The following KIF18A variants were observed in gnomAD, a reference collection of about 807,000 sequenced individuals.
The protein encoded by KIF18A is kinesin family member 18A.
A neutral mutation model predicts 103.3 loss-of-function variants in KIF18A; 67 were observed. The observed-to-expected ratio is 0.65, with a 90% CI of 0.53 to 0.79. The LOEUF is 0.79. KIF18A is among the 30% of genes least tolerant of loss of function. KIF18A has a pLI of 0.00. For synonymous variants in KIF18A, 367 were observed against 355.5 expected, an observed-to-expected ratio of 1.03 and a Z score of -0.36; for missense variants, 1,032 against 1,062.5, an observed-to-expected ratio of 0.97 and a Z score of 0.40.
At chr11:28,091,216 A>G (rs1174884195) in intron 4 of KIF18A, among the ~76,000 whole-genome samples, 193 bp downstream of exon 4, 1 of 152,178 alleles carries the variant, frequency 6.6e-6, no homozygotes, top group Non-Finnish European at 1.5e-5. Context: ...AAAATTTAAA[A>G]AATGTTTTTA....
intron 15 of KIF18A, among the ~76,000 whole-genome samples, chr11:28,026,909 G>T (rs1481342796): frequency 6.6e-6 from 1 of 151,706 alleles, no homozygotes; most frequent in Admixed American, 6.6e-5. Flanking sequence ...CAGAATAATT[G>T]TACAAATCAA....
At chr11:28,048,324 T>G (rs1850666069) in intron 13 of KIF18A, among the ~76,000 whole-genome samples, 1 of 152,094 alleles carries the variant, frequency 6.6e-6, no homozygotes. Flanking sequence ...GCACAGACAT[T>G]TAATGGGGTG....
intron 5 of KIF18A, 61 bp from the exon 6 acceptor site, chr11:28,088,782 A>T: frequency 1.5e-6 from 2 of 1,292,724 alleles, no homozygotes; most frequent in South Asian, 2.5e-5. Flanking sequence ...TAAAAGGGAA[A>T]TATATACTTT....
intron 6 of KIF18A, among the ~76,000 whole-genome samples, chr11:28,086,633 C>T (rs911043289): frequency 7.9e-5 from 12 of 152,144 alleles, no homozygotes; most frequent in African/African-American, 2.9e-4. Context: ...GCTAGTAGTT[C>T]AAAGAGCCAG....
In KIF18A at chr11:28,036,637, A is replaced by G. The variant is rs113524981; in HGVS notation, c.1976T>C (p.Val659Ala). The G allele has an allele frequency of 9.9e-6, 16 of 1,608,166 alleles. No individual in the cohort carries two copies. The African/African-American group carries it at 2.1e-4, about 22-fold the overall frequency. ...AGTTCTTTTTTCTGTAGGAATCTTA[A>G]CCAGATTAGTTCCACCTGAAGATGA... ...CCSSSGGTNL[V>A]KIPTEKRTRR... is the part of the protein sequence containing the mutation. Residue 659 changes from valine (V) to alanine (A), a missense_variant, in exon 14 of 17, where the codon GTT (valine) becomes GCT (alanine). Val to Ala is a moderately conservative substitution (Grantham distance 64, BLOSUM62 0). Coordinates refer to ENST00000263181, the MANE Select transcript of KIF18A (RefSeq NM_031217.4).
chr11:28,028,231 T>C, intron 15 of KIF18A, among the ~76,000 whole-genome samples: 1 of 152,052 alleles, frequency 6.6e-6, no homozygotes, highest in Non-Finnish European at 1.5e-5. Flanking sequence ...ATACATTCTT[T>C]TCAGCACCAC....
intron 15 of KIF18A, among the ~76,000 whole-genome samples, chr11:28,030,212 C>T (rs1404483559): frequency 4.1e-5 from 6 of 147,526 alleles, no homozygotes; most frequent in South Asian, 2.2e-4. Flanking sequence ...GAAAACAGCC[C>T]GCATTGCCAA....
At chr11:28,048,867 C>G (rs1013631078) in intron 13 of KIF18A, among the ~76,000 whole-genome samples, 1 of 152,022 alleles carries the variant, frequency 6.6e-6, no homozygotes, top group African/African-American at 2.4e-5. Flanking sequence ...AGAAAACAAG[C>G]ATTTGAAATT....
chr11:28,059,701 G>A (rs951971506), intron 12 of KIF18A, among the ~76,000 whole-genome samples: 3 of 151,850 alleles, frequency 2.0e-5, no homozygotes, highest in Non-Finnish European at 4.4e-5. Context: ...CAAAGTGCTG[G>A]GATTACAGGG....
At position 28,100,667 on chromosome 11, in the gene KIF18A, CGGACAGAATTCAAATAA is replaced by C. The variant is rs1358848953; in HGVS notation, c.-46-2691_-46-2675del. 7.2e-5 allele frequency among the ~76,000 whole-genome samples: 11 copies of C among 151,848 alleles called. No individual in the cohort carries two copies. In the South Asian group the frequency reaches 1.9e-3, roughly 26 times the overall value. ...ACAAAACCACTTAGCCATATACTTT[CGGACAGAATTCAAATAA>C]GGACAGAATTCAAAGGAATCTAAAA... On this transcript the variant is annotated intron_variant, in intron 1 of 16. Transcript: ENST00000263181.
intron 6 of KIF18A, among the ~76,000 whole-genome samples, chr11:28,087,971 G>T (rs1479204985): frequency 6.6e-6 from 1 of 151,954 alleles, no homozygotes; most frequent in Non-Finnish European, 1.5e-5. Context: ...TGTGTTCTAG[G>T]TAAGCACTTC....
chr11:28,057,384 G>A (rs756074262), intron 13 of KIF18A, among the ~76,000 whole-genome samples: 2 of 151,992 alleles, frequency 1.3e-5, no homozygotes, highest in African/African-American at 2.4e-5. Flanking sequence ...GCATGATGGC[G>A]GGCACCTGTA....
intron 3 of KIF18A, among the ~76,000 whole-genome samples, chr11:28,092,110 C>G (rs1278658780): frequency 1.3e-5 from 2 of 152,144 alleles, no homozygotes; most frequent in Non-Finnish European, 2.9e-5. Context: ...CCACCGCGCC[C>G]GGCCCATTTT....
chr11:28,039,510 G>T (rs537846300), intron 13 of KIF18A, among the ~76,000 whole-genome samples: 2 of 151,728 alleles, frequency 1.3e-5, no homozygotes, highest in African/African-American at 4.8e-5. Flanking sequence ...TACTTAGCAG[G>T]TATAATCTCT....
intron 16 of KIF18A, 68 bp from the exon 17 acceptor site, chr11:28,021,350 C>T (rs1396599878): frequency 1.0e-5 from 12 of 1,165,498 alleles, no homozygotes; most frequent in African/African-American, 1.6e-5. Flanking sequence ...CATCGTTCAA[C>T]TTATAAAAAT....
chr11:28,079,791 A>T (rs574409532), intron 9 of KIF18A, among the ~76,000 whole-genome samples: 1 of 152,218 alleles, frequency 6.6e-6, no homozygotes, highest in East Asian at 1.9e-4. Flanking sequence ...TTATACAGGA[A>T]TTCCTTATTG....
chr11:28,095,741 G>A (rs1211550690), intron 2 of KIF18A, among the ~76,000 whole-genome samples: 1 of 151,904 alleles, frequency 6.6e-6, no homozygotes, highest in Non-Finnish European at 1.5e-5. Context: ...CAGGCTCGGT[G>A]GCTCATCCCT....
intron 13 of KIF18A, among the ~76,000 whole-genome samples, chr11:28,039,268 A>C (rs1483526277): frequency 6.6e-6 from 1 of 151,732 alleles, no homozygotes; most frequent in Non-Finnish European, 1.5e-5. Flanking sequence ...CAATCATCAA[A>C]AACTTACTGT....
intron 13 of KIF18A, among the ~76,000 whole-genome samples, chr11:28,042,286 T>A (rs1175132766): frequency 6.6e-6 from 1 of 151,748 alleles, no homozygotes; most frequent in Non-Finnish European, 1.5e-5. Flanking sequence ...AATTAATGGG[T>A]AAGATTTAAG....
Sources: gnomAD v4.1 joint callset for allele counts (sites outside exome capture counted in the v4.1 genomes callset) on GRCh38, gnomAD v4.1.1 for gene constraint, MANE v1.5 for transcripts, NCBI Gene and HGNC (gene_info 2026-07-23, HGNC 2026-07-21) for gene names.